VWA3B: variants seen among roughly 807,000 people sequenced by gnomAD.
VWA3B encodes the protein von Willebrand factor A domain containing 3B.
Under a neutral mutation model 158.3 loss-of-function variants are expected in VWA3B, and 138 were observed. The ratio of observed to expected loss-of-function variants is 0.87; its 90% CI spans 0.76 to 1.00. The LOEUF (loss-of-function observed/expected upper bound fraction) is 1.00, where lower values mean the gene tolerates loss of function less well. Among genes scored for constraint, VWA3B ranks in the 50% least tolerant of loss-of-function variants. VWA3B has a pLI of 0.00. For synonymous variants in VWA3B, 596 were observed against 587.3 expected, an observed-to-expected ratio of 1.01 and a Z score of -0.21; for missense variants, 1,555 against 1,565.1, an observed-to-expected ratio of 0.99 and a Z score of 0.11.
At chr2:98,299,290 G>A (rs971027778) in intron 24 of VWA3B, among the ~76,000 whole-genome samples, 3 of 152,138 alleles carry the variant, frequency 2.0e-5, no homozygotes, top group African/African-American at 7.2e-5. Context: ...TCCAGACCCT[G>A]TTCTCCTGCC....
downstream of VWA3B, among the ~76,000 whole-genome samples, chr2:98,313,514 G>A (rs545031878): frequency 6.6e-6 from 1 of 152,334 alleles, no homozygotes; most frequent in African/African-American, 2.4e-5. Flanking sequence ...AGGGTCTGAA[G>A]GAAGCAAGGT....
chr2:98,200,954 G>T lies in VWA3B; in HGVS notation c.1737+6462G>T, dbSNP rs192749065. Among the ~76,000 whole-genome samples the T allele has an allele frequency of 2.9e-3, 449 of 152,258 alleles. 1 individual carries two copies. Among genetic ancestry groups the T allele is most frequent in the African/African-American group, 0.01 (429 of 41,546 alleles). On this transcript the variant is annotated intron_variant, in intron 12 of 27. Transcript: ENST00000477737. Reference sequence around the variant, plus strand: ...AAATCATTTGACTATATCCGTGTGGGTCTATTTTTGTTTCATTGAACTATT... The same window carrying T: ...AAATCATTTGACTATATCCGTGTGGTTCTATTTTTGTTTCATTGAACTATT...
At chr2:98,237,243 C>T (rs755949182) in intron 19 of VWA3B, among the ~76,000 whole-genome samples, 25 of 152,144 alleles carry the variant, frequency 1.6e-4, no homozygotes, top group Admixed American at 3.3e-4. Flanking sequence ...GTTGGCACTT[C>T]GTGGTTCGTT....
intron 22 of VWA3B, among the ~76,000 whole-genome samples, chr2:98,278,971 G>T (rs1250083072): frequency 6.6e-6 from 1 of 152,168 alleles, no homozygotes; most frequent in Non-Finnish European, 1.5e-5. Context: ...TGCACATTCA[G>T]ACCATGCCGT....
At chr2:98,315,074 G>A (rs915137473), downstream of VWA3B, among the ~76,000 whole-genome samples, 8 of 151,970 alleles carry the variant, frequency 5.3e-5, no homozygotes, top group African/African-American at 1.9e-4. Flanking sequence ...GCAACTGATG[G>A]TATATATATG....
chr2:98,312,211 C>T lies in VWA3B; in HGVS notation c.3747C>T (p.Leu1249=). 1 of 1,614,222 alleles carries T rather than the reference C, an allele frequency of 6.2e-7. No individual in the cohort carries two copies. The highest frequency in any genetic ancestry group is 1.1e-5 in the South Asian group (1 of 91,086). The change falls in exon 28 of 28, where the codon CTC becomes CTT. Residue 1249 remains leucine, a synonymous_variant. Coordinates refer to ENST00000477737, the MANE Select transcript of VWA3B (RefSeq NM_144992.5). ...CTCTGCTTCCCCAGACAGCCCACCT[C>T]CACTTCCCCGCGGCCGGGCGTCTAG... The part of the protein sequence containing the change: ...GTHPEPRTAH[L]HFPAAGRLGL...
rs570661832 is a variant in VWA3B at position 98,270,590 on chromosome 2, A to C, written c.2844-92A>C. ...GATGTTTCTCAGGGGAGAATTTCTTAGGAAACCATCTTACCATATTTTTTT... is the reference window on the plus strand; with the variant it reads ...GATGTTTCTCAGGGGAGAATTTCTTCGGAAACCATCTTACCATATTTTTTT... On this transcript the variant is annotated intron_variant, in intron 21 of 27. Coordinates refer to ENST00000477737, the MANE Select transcript of VWA3B (RefSeq NM_144992.5). 34 of 1,320,708 alleles carry C rather than the reference A, an allele frequency of 2.6e-5. No individual in the cohort carries two copies. The African/African-American group carries it at 4.9e-4, about 19-fold the overall frequency. 81.8% of individuals were successfully genotyped at this position (1,320,708 alleles called of 1,614,324 possible). A position where few individuals can be genotyped will look rare whatever the true frequency, so the allele number is the denominator to read the frequency against.
In VWA3B at chr2:98,187,079, A is replaced by G. The variant is rs377311896; in HGVS notation, c.1312-896A>G. Among the ~76,000 whole-genome samples the G allele has an allele frequency of 3.5e-4, 53 of 152,004 alleles. No individual in the cohort carries two copies. In the East Asian group the frequency reaches 5.8e-3, roughly 17 times the overall value. ...TCGCTGCATCCTCTGACCTCCTCCC[A>G]GCCTCGCTATGGCCACACTCTGTTC... On this transcript the variant is annotated intron_variant, in intron 9 of 27. Transcript: ENST00000477737.
chr2:98,245,666 T>C (rs1686348115), intron 19 of VWA3B: 4 of 454,254 alleles, frequency 8.8e-6, no homozygotes, highest in South Asian at 6.2e-5. Flanking sequence ...CTGATCATGA[T>C]GAAATGTTAT....
intron 22 of VWA3B, among the ~76,000 whole-genome samples, chr2:98,286,205 C>T (rs1689158138): frequency 6.6e-6 from 1 of 152,092 alleles, no homozygotes; most frequent in African/African-American, 2.4e-5. Flanking sequence ...CATACAGAAT[C>T]ATGTCATTTA....
chr2:98,209,314 A>T (rs1020665429), intron 12 of VWA3B, among the ~76,000 whole-genome samples: 2 of 151,894 alleles, frequency 1.3e-5, no homozygotes, highest in Non-Finnish European at 2.9e-5. Context: ...GGAGTCTTGT[A>T]CTGTCGCCCA....
intron 12 of VWA3B, among the ~76,000 whole-genome samples, chr2:98,205,475 T>G (rs991318800): frequency 1.3e-5 from 2 of 152,190 alleles, no homozygotes; most frequent in African/African-American, 4.8e-5. Context: ...ACAACCAGCC[T>G]TTTGTTTTAT....
intron 9 of VWA3B, among the ~76,000 whole-genome samples, chr2:98,182,813 G>T (rs1180722032): frequency 6.6e-6 from 1 of 152,160 alleles, no homozygotes; most frequent in African/African-American, 2.4e-5. Flanking sequence ...CCAGCTACTT[G>T]GGAGGCTGAG....
rs1418911653 is a variant in VWA3B at position 98,119,737 on chromosome 2, TC to T, written c.517del (p.His173ThrfsTer2). 5 of 1,613,992 alleles carry T rather than the reference TC, an allele frequency of 3.1e-6. No homozygotes were observed. The African/African-American group carries it at 6.7e-5, about 22-fold the overall frequency. On this transcript the variant is annotated frameshift_variant, in exon 4 of 28. Transcript: ENST00000477737. LOFTEE classifies it high-confidence loss of function. ...CAATGGTTCTCCAGGAGCAGGTGGC[TC>T]ACATAACCGAGTTCAATATCATACG... ...LTMVLQEQVA[H>X]ITEFNIIRVS...
At chr2:98,318,565 C>T in the VWA3B span, among the ~76,000 whole-genome samples, 15 of 151,918 alleles carry the variant, frequency 9.9e-5, no homozygotes, top group South Asian at 2.1e-4. Flanking sequence ...CACACTGTGG[C>T]GTATCAGAGG....
the VWA3B span, among the ~76,000 whole-genome samples, chr2:98,320,572 G>A: frequency 2.0e-5 from 3 of 152,332 alleles, no homozygotes; most frequent in East Asian, 5.8e-4. Context: ...GGACAATAAA[G>A]TCCAGGCTGT....
intron 15 of VWA3B, 133 bp from the exon 16 acceptor site, chr2:98,229,917 C>A: frequency 2.0e-6 from 2 of 990,506 alleles, no homozygotes; most frequent in South Asian, 2.1e-5. Context: ...TTATATTAAC[C>A]CAGATGGGGG....
rs114310086 is a variant in VWA3B at position 98,272,372 on chromosome 2, T to G, written c.3045+1489T>G. Among the ~76,000 whole-genome samples, 394 of 152,316 alleles carry G rather than the reference T, an allele frequency of 2.6e-3. 1 individual carries two copies. Among genetic ancestry groups the G allele is most frequent in the African/African-American group, 8.9e-3 (368 of 41,562 alleles). On this transcript the variant is annotated intron_variant, in intron 22 of 27. Transcript: ENST00000477737. The stretch of plus-strand genomic sequence containing the variant: ...CATCATGTGAGCGATGCAGGAAGGG[T>G]GCAGAGCCTCCTTTCCCTGAGTGCT...
chr2:98,300,174 C>T lies in VWA3B; in HGVS notation c.3378C>T (p.Ala1126=), dbSNP rs1213013648. ...IVIALPNKHV[A]TEKFYTVLKC... ...TAGCACTTCCCAATAAGCATGTGGC[C>T]ACAGAAAAATTCTACACAGTTTTGA... Residue 1126 remains alanine (A), a synonymous_variant, in exon 25 of 28, where the codon GCC becomes GCT. Coordinates refer to ENST00000477737, the MANE Select transcript of VWA3B (RefSeq NM_144992.5). 1 of 1,614,164 alleles carries T rather than the reference C, an allele frequency of 6.2e-7. No individual in the cohort carries two copies. Among genetic ancestry groups the T allele is most frequent in the African/African-American group, 1.3e-5 (1 of 75,048 alleles).
Sources: allele counts gnomAD v4.1 joint callset (sites outside exome capture counted in the v4.1 genomes callset), GRCh38; gene constraint gnomAD v4.1.1; transcripts MANE v1.5; gene names NCBI Gene and HGNC (gene_info 2026-07-23, HGNC 2026-07-21).